SESTD1: variants seen among roughly 807,000 people sequenced by gnomAD.
SESTD1 encodes the protein SEC14 domain and spectrin repeat-containing protein 1.
Under a neutral mutation model 101.7 loss-of-function variants are expected in SESTD1, and 43 were observed. The ratio of observed to expected loss-of-function variants is 0.42; its 90% CI spans 0.33 to 0.55. SESTD1 has a LOEUF of 0.55. Among genes scored for constraint, SESTD1 ranks in the 20% least tolerant of loss-of-function variants. The probability of loss-of-function intolerance (pLI) is 0.07; values close to 1 mark genes in which losing one functional copy is unlikely to be tolerated. For missense variants in SESTD1, 647 were observed against 815.1 expected (o/e 0.79, Z 2.51); for synonymous variants, 283 against 286.8 (o/e 0.99, Z 0.13).
intron 1 of SESTD1, among the ~76,000 whole-genome samples, chr2:179,239,696 CATT>C (rs2047121719): frequency 6.6e-6 from 1 of 152,166 alleles, no homozygotes; most frequent in East Asian, 1.9e-4. Flanking sequence ...AAGTCTTTAT[CATT>C]ATTAAGATAG....
chr2:179,163,459 T>C (rs1038406383), intron 5 of SESTD1, among the ~76,000 whole-genome samples: 5 of 151,936 alleles, frequency 3.3e-5, no homozygotes, highest in African/African-American at 1.2e-4. Flanking sequence ...GCTATCATTT[T>C]ACTAAGCAGA....
At chr2:179,159,080 TG>T (rs1341550923) in intron 5 of SESTD1, among the ~76,000 whole-genome samples, 1 of 152,226 alleles carries the variant, frequency 6.6e-6, no homozygotes, top group Non-Finnish European at 1.5e-5. Context: ...AGAAAAAGAA[TG>T]AAGGGAAAAG....
rs148144979 is a variant in SESTD1 at position 179,197,991 on chromosome 2, T to A, written c.-25-6125A>T. On this transcript the variant is annotated intron_variant, in intron 1 of 17. Coordinates refer to ENST00000428443, the MANE Select transcript of SESTD1 (RefSeq NM_178123.5). ...CTTTAAATGTAAATGGACTAAATGC[T>A]CCAATTAAAAGACACACAATGGCAA... 5.9e-5 allele frequency among the ~76,000 whole-genome samples: 9 copies of A among 151,986 alleles called. No homozygotes were observed. In the East Asian group the frequency reaches 1.7e-3, roughly 29 times the overall value.
At chr2:179,177,333 G>C (rs995008748) in intron 3 of SESTD1, among the ~76,000 whole-genome samples, 1 of 152,146 alleles carries the variant, frequency 6.6e-6, no homozygotes, top group African/African-American at 2.4e-5. Flanking sequence ...CTTAATGTAA[G>C]GATCTCAATT....
intron 5 of SESTD1, among the ~76,000 whole-genome samples, chr2:179,152,305 G>A (rs566769217): frequency 6.6e-6 from 1 of 152,192 alleles, no homozygotes; most frequent in South Asian, 2.1e-4. Context: ...TGAAGTTGAA[G>A]AGAAGGCAAG....
At chr2:179,258,656 C>A (rs2047435548) in intron 1 of SESTD1, among the ~76,000 whole-genome samples, 1 of 152,164 alleles carries the variant, frequency 6.6e-6, no homozygotes, top group Non-Finnish European at 1.5e-5. Context: ...TACTTCTCAG[C>A]TCTCACACAC....
At chr2:179,196,083 A>C (rs774016628) in intron 1 of SESTD1, among the ~76,000 whole-genome samples, 8 of 152,186 alleles carry the variant, frequency 5.3e-5, no homozygotes, top group Non-Finnish European at 1.0e-4. Context: ...CAGTGGGCGC[A>C]GGTCAGTGGG....
chr2:179,162,830 A>G (rs2045762889), intron 5 of SESTD1, among the ~76,000 whole-genome samples: 1 of 151,494 alleles, frequency 6.6e-6, no homozygotes, highest in Non-Finnish European at 1.5e-5. Flanking sequence ...AGTAAAAAAA[A>G]AAAAAAAAAA....
intron 1 of SESTD1, among the ~76,000 whole-genome samples, chr2:179,203,802 C>T (rs904956140): frequency 1.5e-5 from 2 of 133,926 alleles, no homozygotes; most frequent in African/African-American, 5.9e-5. Flanking sequence ...TGAAGACAGC[C>T]TGAGCCTGCA....
At chr2:179,121,351 A>G (rs2044746226) in intron 13 of SESTD1, among the ~76,000 whole-genome samples, 1 of 152,208 alleles carries the variant, frequency 6.6e-6, no homozygotes, top group Non-Finnish European at 1.5e-5. Flanking sequence ...TACAGCAAAT[A>G]TGAGAACAAT....
Position 179,176,517 on chromosome 2 carries a change from T to C in SESTD1, c.186A>G (p.Gly62=), listed in dbSNP as rs774128829. ...TTCTGCCATCCACAATCACGGTAAA[T>C]CCTCTAGCCTTACACTTCTCACTGA... ...SIPSEKCKAR[G]FTVIVDGRKS... The change falls in exon 4 of 18, where the codon GGA becomes GGG. Residue 62 remains glycine, a synonymous_variant. Coordinates refer to ENST00000428443, the MANE Select transcript of SESTD1 (RefSeq NM_178123.5). The C allele has an allele frequency of 2.7e-5, 43 of 1,613,218 alleles. No homozygotes were observed. In the Admixed American group the frequency reaches 7.2e-4, roughly 27 times the overall value.
intron 9 of SESTD1, among the ~76,000 whole-genome samples, chr2:179,137,712 T>C (rs776141620): frequency 5.3e-5 from 8 of 152,236 alleles, no homozygotes; most frequent in Non-Finnish European, 1.0e-4. Context: ...GAATCACGGA[T>C]AAATATCATG....
chr2:179,149,107 ACT>A (rs542516292), intron 7 of SESTD1, among the ~76,000 whole-genome samples, 188 bp downstream of exon 7: 151 of 149,202 alleles, frequency 1.0e-3, no homozygotes, highest in African/African-American at 3.7e-3. Flanking sequence ...TTGTGAAGAA[ACT>A]CTGATTCAAA....
intron 5 of SESTD1, among the ~76,000 whole-genome samples, chr2:179,169,013 G>A (rs879683684): frequency 6.6e-6 from 1 of 152,026 alleles, no homozygotes; most frequent in African/African-American, 2.4e-5. Flanking sequence ...GCCAATAACG[G>A]AGTGAGGTGT....
Position 179,106,360 on chromosome 2 carries a change from G to A in SESTD1, c.*3539C>T, listed in dbSNP as rs1029941417. 6.6e-6 allele frequency: 1 copy of A among 152,134 alleles called. No homozygotes were observed. Among genetic ancestry groups the A allele is most frequent in the South Asian group, 2.1e-4 (1 of 4,826 alleles). 9.4% of individuals were successfully genotyped at this position (152,134 alleles called of 1,614,324 possible). A position where few individuals can be genotyped will look rare whatever the true frequency, so the allele number is the denominator to read the frequency against. Reference sequence around the variant, plus strand: ...TACTTTGGGTAGGATGTGAGAAGGGGAGTAGTACATAATAATGCCCAATCT... The same window carrying A: ...TACTTTGGGTAGGATGTGAGAAGGGAAGTAGTACATAATAATGCCCAATCT... On this transcript the variant is annotated 3_prime_UTR_variant, in exon 18 of 18. Coordinates refer to ENST00000428443, the MANE Select transcript of SESTD1 (RefSeq NM_178123.5).
intron 5 of SESTD1, among the ~76,000 whole-genome samples, chr2:179,151,759 A>G (rs2045535397): frequency 6.6e-6 from 1 of 152,192 alleles, no homozygotes; most frequent in Non-Finnish European, 1.5e-5. Context: ...TTAAAATGAT[A>G]AGCCCTATGA....
chr2:179,108,481 A>G lies in SESTD1; in HGVS notation c.*1418T>C, dbSNP rs1162305246. The G allele has an allele frequency of 6.6e-6, 1 of 152,172 alleles. No homozygotes were observed. The highest frequency in any genetic ancestry group is 1.5e-5 in the Non-Finnish European group (1 of 68,032). The allele number at this position is 152,172 out of a possible 1,614,324, so 9.4% of individuals were successfully genotyped here. A position where few individuals can be genotyped will look rare whatever the true frequency, so the allele number is the denominator to read the frequency against. ...TCAGTAGAGTGCTGTGTAAAACCAG[A>G]CTGCAAGGTGCTGAGTAGTGAGTGA... On this transcript the variant is annotated 3_prime_UTR_variant, in exon 18 of 18. Transcript: ENST00000428443.
intron 1 of SESTD1, among the ~76,000 whole-genome samples, chr2:179,244,131 T>TA (rs2047195475): frequency 6.6e-6 from 1 of 151,478 alleles, no homozygotes; most frequent in African/African-American, 2.4e-5. Context: ...TCTAAATCTC[T>TA]AAAAAACTGA....
At chr2:179,244,716 A>T (rs966049684) in intron 1 of SESTD1, among the ~76,000 whole-genome samples, 1 of 152,254 alleles carries the variant, frequency 6.6e-6, no homozygotes, top group Non-Finnish European at 1.5e-5. Context: ...AACCACAGAA[A>T]AGCGGGAACA....
Sources: gnomAD v4.1 joint callset for allele counts (sites outside exome capture counted in the v4.1 genomes callset) on GRCh38, gnomAD v4.1.1 for gene constraint, MANE v1.5 for transcripts, NCBI Gene and HGNC (gene_info 2026-07-23, HGNC 2026-07-21) for gene names.